The following HPSE2 variants were observed in gnomAD, a reference collection of about 807,000 sequenced individuals.
The protein encoded by HPSE2 is heparanase 2 (inactive), also known as inactive heparanase-2.
Under a neutral mutation model 60.5 loss-of-function variants are expected in HPSE2, and 38 were observed. The ratio of observed to expected loss-of-function variants is 0.63; its 90% confidence interval spans 0.48 to 0.82. HPSE2 has a LOEUF of 0.82. Among genes scored for constraint, HPSE2 ranks in the 40% least tolerant of loss-of-function variants. HPSE2 has a pLI of 0.00. For synonymous variants in HPSE2, 295 were observed against 293.2 expected, an observed-to-expected ratio of 1.01 and a Z score of -0.06; for missense variants, 713 against 740.4, an observed-to-expected ratio of 0.96 and a Z score of 0.43.
intron 3 of HPSE2, among the ~76,000 whole-genome samples, chr10:98,955,765 A>G (rs1955494159): frequency 6.6e-6 from 1 of 152,246 alleles, no homozygotes. Flanking sequence ...ACCATGGAAT[A>G]CTATGCAGCC....
At chr10:99,292,245 G>A in the HPSE2 span, among the ~76,000 whole-genome samples, 1 of 152,176 alleles carries the variant, frequency 6.6e-6, no homozygotes, top group Non-Finnish European at 1.5e-5. Context: ...AGCAGAGTAA[G>A]TAAATAGTTG....
intron 3 of HPSE2, among the ~76,000 whole-genome samples, chr10:99,052,587 G>A (rs1958015367): frequency 6.6e-6 from 1 of 151,862 alleles, no homozygotes; most frequent in African/African-American, 2.4e-5. Context: ...ACCAAATTAG[G>A]AAAAACATAA....
intron 9 of HPSE2, among the ~76,000 whole-genome samples, chr10:98,550,691 G>A (rs955164464): frequency 6.6e-6 from 1 of 152,064 alleles, no homozygotes; most frequent in African/African-American, 2.4e-5. Context: ...AGTCAGGATG[G>A]TCTTGATCTC....
intron 3 of HPSE2, among the ~76,000 whole-genome samples, chr10:99,087,429 C>T (rs1335007253): frequency 1.3e-5 from 2 of 152,148 alleles, no homozygotes; most frequent in African/African-American, 2.4e-5. Context: ...TAAGTATTGA[C>T]GTCAATGGAA....
intron 2 of HPSE2, among the ~76,000 whole-genome samples, chr10:99,151,853 T>A (rs1382939321): frequency 6.6e-6 from 1 of 152,138 alleles, no homozygotes; most frequent in East Asian, 1.9e-4. Context: ...GAGTTTGAGG[T>A]TGCAGTTACC....
At chr10:98,778,892 ATTATCTTAAAGAAG>A (rs1281910393) in intron 3 of HPSE2, among the ~76,000 whole-genome samples, 2 of 152,210 alleles carry the variant, frequency 1.3e-5, no homozygotes, top group Non-Finnish European at 2.9e-5. Flanking sequence ...CTTAGGAGAA[ATTATCTTAAAGAAG>A]TTGTGAAAGT....
intron 7 of HPSE2, among the ~76,000 whole-genome samples, chr10:98,624,773 T>C (rs1235885671): frequency 6.6e-6 from 1 of 152,224 alleles, no homozygotes; most frequent in Admixed American, 6.5e-5. Context: ...GTTAAGGATC[T>C]TTCCTTGTCA....
At chr10:99,054,616 C>A (rs905673519) in intron 3 of HPSE2, among the ~76,000 whole-genome samples, 3 of 152,182 alleles carry the variant, frequency 2.0e-5, no homozygotes, top group South Asian at 4.1e-4. Context: ...TTTAAGGTGA[C>A]CACCCAGTAA....
At chr10:98,868,291 CA>C (rs1470389950) in intron 3 of HPSE2, among the ~76,000 whole-genome samples, 1 of 151,500 alleles carries the variant, frequency 6.6e-6, no homozygotes, top group Non-Finnish European at 1.5e-5. Context: ...ATCTAAAAAT[CA>C]AAACAATTAA....
chr10:98,990,228 G>T (rs1956490250), intron 3 of HPSE2, among the ~76,000 whole-genome samples: 1 of 152,136 alleles, frequency 6.6e-6, no homozygotes, highest in African/African-American at 2.4e-5. Context: ...GTTTATTATG[G>T]TCTCTGTGCA....
the HPSE2 span, among the ~76,000 whole-genome samples, chr10:99,263,728 G>A: frequency 6.3e-4 from 94 of 150,256 alleles, no homozygotes; most frequent in Admixed American, 5.3e-3. Context: ...ATGGTTCTTA[G>A]ACCAAAAAAA....
intron 6 of HPSE2, among the ~76,000 whole-genome samples, chr10:98,673,066 ATCC>A (rs1947547799): frequency 1.3e-5 from 2 of 152,336 alleles, no homozygotes; most frequent in African/African-American, 4.8e-5. Context: ...GTTCCAAAAG[ATCC>A]TGGGTTCCAG....
chr10:98,828,508 C>G (rs1420155236), intron 3 of HPSE2, among the ~76,000 whole-genome samples: 16 of 152,124 alleles, frequency 1.1e-4, no homozygotes, highest in Admixed American at 8.5e-4. Flanking sequence ...TAAAACTCAA[C>G]AGCAAAAACA....
intron 3 of HPSE2, among the ~76,000 whole-genome samples, chr10:99,087,839 G>A (rs12570853): frequency 0.016 from 2,429 of 152,134 alleles, 92 homozygotes; most frequent in East Asian, 0.14. Flanking sequence ...ATACAGAAGA[G>A]TACTTTTATC....
At chr10:98,645,009 A>T (rs975614267) in intron 6 of HPSE2, among the ~76,000 whole-genome samples, 5 of 152,148 alleles carry the variant, frequency 3.3e-5, no homozygotes, top group Admixed American at 3.3e-4. Context: ...GGTCTAAATA[A>T]GGGAGGGAAC....
At chr10:99,254,535 A>C in the HPSE2 span, among the ~76,000 whole-genome samples, 2 of 152,116 alleles carry the variant, frequency 1.3e-5, no homozygotes, top group Non-Finnish European at 2.9e-5. Flanking sequence ...TACCTCCCAA[A>C]TCTAAAAGTT....
chr10:98,862,628 G>C (rs1028695600), intron 3 of HPSE2, among the ~76,000 whole-genome samples: 35 of 152,148 alleles, frequency 2.3e-4, no homozygotes, highest in African/African-American at 8.4e-4. Context: ...TAGCAGAGAA[G>C]AATCCCTATA....
intron 3 of HPSE2, among the ~76,000 whole-genome samples, chr10:98,936,197 T>G (rs1193832054): frequency 2.1e-5 from 3 of 144,258 alleles, no homozygotes; most frequent in Non-Finnish European, 4.5e-5. Context: ...CTTCTGTACT[T>G]GCAATGGGAA....
At chr10:98,778,833 C>T (rs1374868529) in intron 3 of HPSE2, among the ~76,000 whole-genome samples, 1 of 151,974 alleles carries the variant, frequency 6.6e-6, no homozygotes, top group African/African-American at 2.4e-5. Flanking sequence ...TATGAACTTG[C>T]TATGAATAAA....
Sources: gnomAD v4.1 joint callset for allele counts (sites outside exome capture counted in the v4.1 genomes callset) on GRCh38, gnomAD v4.1.1 for gene constraint, MANE v1.5 for transcripts, NCBI Gene and HGNC (gene_info 2026-07-23, HGNC 2026-07-21) for gene names.